Variants in LMNTD1 observed in about 807,000 individuals in gnomAD.
The protein encoded by LMNTD1 is lamin tail domain containing 1.
Under a neutral mutation model 50.9 loss-of-function variants are expected in LMNTD1, and 35 were observed. The observed-to-expected ratio is 0.69, with a 90% CI of 0.53 to 0.91. The LOEUF is 0.91. LMNTD1 is among the 40% of genes least tolerant of loss of function. The pLI is 0.00. For missense variants in LMNTD1, 470 were observed against 475.5 expected, an observed-to-expected ratio of 0.99 and a Z score of 0.11; for synonymous variants, 153 against 161.9, an observed-to-expected ratio of 0.94 and a Z score of 0.42.
chr12:25,599,945 C>G (rs909014723), intron 1 of LMNTD1, among the ~76,000 whole-genome samples: 2 of 151,838 alleles, frequency 1.3e-5, no homozygotes, highest in Non-Finnish European at 1.5e-5. Flanking sequence ...ATAGAAAAAA[C>G]AATCCTAAAA....
At chr12:25,585,927 C>T (rs1196408486) in intron 1 of LMNTD1, 1 of 152,158 alleles carries the variant, frequency 6.6e-6, no homozygotes, top group Non-Finnish European at 1.5e-5. Flanking sequence ...GATGAAGAAA[C>T]TAAGTCGCAA....
rs139007065 is a variant in LMNTD1, at chr12:25,483,988, C to G, written c.*23-7528G>C. On this transcript the variant is annotated intron_variant, in intron 9 of 9. Coordinates refer to ENST00000458174, the MANE Select transcript of LMNTD1 (RefSeq NM_001145728.2). Reference sequence around the variant, plus strand: ...TATGTCTATTTCTACAAAGTTCAGCCAAAAAGCGATTAACCTCAAACTTGA... The same window carrying G: ...TATGTCTATTTCTACAAAGTTCAGCGAAAAAGCGATTAACCTCAAACTTGA... Among the ~76,000 whole-genome samples the G allele has an allele frequency of 2.0e-4, 31 of 151,760 alleles. 1 individual carries two copies. The East Asian group carries it at 4.3e-3, about 21-fold the overall frequency.
intron 4 of LMNTD1, among the ~76,000 whole-genome samples, chr12:25,538,645 C>A: frequency 7.3e-6 from 1 of 137,194 alleles, no homozygotes; most frequent in African/African-American, 2.7e-5. Flanking sequence ...ACCATTGAGA[C>A]TAGGAAGAAA....
In LMNTD1 at chr12:25,553,255, T is replaced by C. The variant is rs979022320; in HGVS notation, c.-217A>G. The C allele has an allele frequency of 6.8e-7, 1 of 1,460,426 alleles. No homozygotes were observed. Among genetic ancestry groups the C allele is most frequent in the South Asian group, 1.5e-5 (1 of 68,150 alleles). 90.5% of individuals were successfully genotyped at this position (1,460,426 alleles called of 1,614,324 possible). On this transcript the variant is annotated 5_prime_UTR_variant, in exon 1 of 10. Coordinates refer to ENST00000458174, the MANE Select transcript of LMNTD1 (RefSeq NM_001145728.2). The stretch of plus-strand genomic sequence containing the variant: ...CACTGGAAGCAGCTTGAGAGGGCAG[T>C]AACTTGGCAAAGAGACCTTTATGAC...
intron 1 of LMNTD1, among the ~76,000 whole-genome samples, chr12:25,636,923 G>A (rs1946847636): frequency 2.0e-5 from 3 of 151,840 alleles, no homozygotes; most frequent in South Asian, 2.1e-4. Context: ...TCACTGATAT[G>A]TGGGAGCTAA....
At chr12:25,565,922 C>G (rs189837532) in intron 1 of LMNTD1, among the ~76,000 whole-genome samples, 2 of 152,296 alleles carry the variant, frequency 1.3e-5, no homozygotes, top group African/African-American at 2.4e-5. Flanking sequence ...TTATGCCACT[C>G]TATCCTGGCC....
chr12:25,535,710 G>A (rs1942532440), intron 4 of LMNTD1, among the ~76,000 whole-genome samples: 1 of 152,008 alleles, frequency 6.6e-6, no homozygotes, highest in Non-Finnish European at 1.5e-5. Flanking sequence ...CAAGATGGTA[G>A]ACTAAACCTA....
At chr12:25,561,356 T>C (rs1299081900) in intron 1 of LMNTD1, among the ~76,000 whole-genome samples, 2 of 152,230 alleles carry the variant, frequency 1.3e-5, no homozygotes, top group Non-Finnish European at 2.9e-5. Context: ...TTGTTCTCCT[T>C]GGTTTCAAAG....
At chr12:25,517,011 C>A (rs1451467781) in intron 8 of LMNTD1, among the ~76,000 whole-genome samples, 1 of 142,006 alleles carries the variant, frequency 7.0e-6, no homozygotes, top group Non-Finnish European at 1.5e-5. Flanking sequence ...CAATGAGATA[C>A]CATCTCACAC....
rs55781545 is a variant in LMNTD1 at position 25,571,339 on chromosome 12, T to TTTTATTTATTTATTTA, written c.59-24801_59-24786dup. 7.1e-4 allele frequency among the ~76,000 whole-genome samples: 105 copies of TTTTATTTATTTATTTA among 148,788 alleles called. 1 individual carries two copies. In the East Asian group the frequency reaches 8.7e-3, roughly 12 times the overall value. ...GGGATTTCTTTTTTCAAAAAAGTATTTTTATTTATTTATTTATTTATTTAT... is the reference window on the plus strand; with the variant it reads ...GGGATTTCTTTTTTCAAAAAAGTATTTTTATTTATTTATTTATTTATTTATTTATTTATTTATTTAT... On this transcript the variant is annotated intron_variant, in intron 1 of 7. Coordinates refer to the LMNTD1 transcript ENST00000445693.
chr12:25,579,985 A>C (rs954896890), intron 1 of LMNTD1, among the ~76,000 whole-genome samples: 1 of 152,110 alleles, frequency 6.6e-6, no homozygotes, highest in Non-Finnish European at 1.5e-5. Flanking sequence ...AAAACTTATT[A>C]GATTTGCTAA....
chr12:25,554,049 G>A (rs1035780741), upstream of LMNTD1, among the ~76,000 whole-genome samples: 11 of 152,148 alleles, frequency 7.2e-5, no homozygotes, highest in Non-Finnish European at 1.0e-4. Context: ...AAGTCAAGAC[G>A]TGTAACACGT....
At chr12:25,643,045 C>G (rs1946986745) in intron 1 of LMNTD1, among the ~76,000 whole-genome samples, 1 of 152,056 alleles carries the variant, frequency 6.6e-6, no homozygotes. Context: ...AAGATCATAG[C>G]CTTGAAGAAG....
At chr12:25,555,890 G>A (rs1348810598), upstream of LMNTD1, among the ~76,000 whole-genome samples, 2 of 151,668 alleles carry the variant, frequency 1.3e-5, no homozygotes, top group African/African-American at 4.8e-5. Context: ...TCATCAACAT[G>A]GCTGTGTCTG....
intron 4 of LMNTD1, among the ~76,000 whole-genome samples, chr12:25,539,801 G>A (rs1037519822): frequency 2.3e-5 from 3 of 132,464 alleles, no homozygotes; most frequent in Non-Finnish European, 4.9e-5. Context: ...TTTTTTGAAA[G>A]GATCAACAAA....
intron 2 of LMNTD1, among the ~76,000 whole-genome samples, chr12:25,549,778 G>T (rs1166763731): frequency 6.6e-6 from 1 of 151,964 alleles, no homozygotes; most frequent in Non-Finnish European, 1.5e-5. Flanking sequence ...AATTTCTATT[G>T]TAGATAGTTC....
intron 8 of LMNTD1, among the ~76,000 whole-genome samples, chr12:25,517,657 T>C (rs1286051257): frequency 7.1e-6 from 1 of 140,666 alleles, no homozygotes. Context: ...TGTATACATA[T>C]GTAACTAACC....
intron 1 of LMNTD1, among the ~76,000 whole-genome samples, chr12:25,646,233 C>T (rs1947068108): frequency 6.6e-6 from 1 of 151,704 alleles, no homozygotes; most frequent in Non-Finnish European, 1.5e-5. Context: ...GCCTGTTGTT[C>T]ATTGACAGCA....
At chr12:25,600,592 A>G (rs1214133510) in intron 1 of LMNTD1, among the ~76,000 whole-genome samples, 1 of 152,012 alleles carries the variant, frequency 6.6e-6, no homozygotes, top group Non-Finnish European at 1.5e-5. Flanking sequence ...GAGCTCAAAC[A>G]ACTCTATAGG....
Sources: allele counts gnomAD v4.1 joint callset (sites outside exome capture counted in the v4.1 genomes callset), GRCh38; gene constraint gnomAD v4.1.1; transcripts MANE v1.5; gene names NCBI Gene and HGNC (gene_info 2026-07-23, HGNC 2026-07-21).